The following LPAR1 variants were observed in gnomAD, a reference collection of about 807,000 sequenced individuals.
The protein encoded by LPAR1 is LPA receptor 1.
In LPAR1, 5 loss-of-function variants were observed where a neutral mutation model predicts 23.8. That is an observed-to-expected ratio of 0.21 (90% confidence interval 0.11 to 0.44). The LOEUF is 0.44. Ranked by LOEUF, LPAR1 falls within the 20% of genes least tolerant of loss-of-function variation. The pLI, the probability that LPAR1 is intolerant of heterozygous loss-of-function variation, is 0.99. For synonymous variants in LPAR1, 160 were observed against 164.7 expected, an observed-to-expected ratio of 0.97 and a Z score of 0.22; for missense variants, 311 against 482.8, an observed-to-expected ratio of 0.64 and a Z score of 3.33.
intron 5 of LPAR1, among the ~76,000 whole-genome samples, chr9:110,910,046 G>A (rs2092180928): frequency 6.6e-6 from 1 of 152,030 alleles, no homozygotes; most frequent in South Asian, 2.1e-4. Context: ...ACCACATCTG[G>A]CCCAAATGTT....
At chr9:111,017,076 T>A (rs1325536191) in intron 2 of LPAR1, among the ~76,000 whole-genome samples, 1 of 152,208 alleles carries the variant, frequency 6.6e-6, no homozygotes, top group African/African-American at 2.4e-5. Context: ...TTAGTCCTTA[T>A]CTTCATGGGC....
intron 2 of LPAR1, among the ~76,000 whole-genome samples, chr9:110,990,753 A>G (rs1287439643): frequency 6.6e-6 from 1 of 152,118 alleles, no homozygotes; most frequent in African/African-American, 2.4e-5. Context: ...GTAGATAATT[A>G]TATAGAAACT....
chr9:111,019,298 A>G (rs2140997765), intron 2 of LPAR1, among the ~76,000 whole-genome samples: 1 of 152,276 alleles, frequency 6.6e-6, no homozygotes, highest in African/African-American at 2.4e-5. Context: ...TTCTCTATTA[A>G]AAATAATAAT....
intron 2 of LPAR1, among the ~76,000 whole-genome samples, chr9:111,011,376 G>A (rs1022503035): frequency 3.3e-5 from 5 of 152,076 alleles, no homozygotes; most frequent in Admixed American, 6.6e-5. Context: ...TTCCAATAAC[G>A]GGAAGCTCAC....
At chr9:110,931,255 A>C (rs977486367) in intron 5 of LPAR1, among the ~76,000 whole-genome samples, 1 of 152,220 alleles carries the variant, frequency 6.6e-6, no homozygotes, top group East Asian at 1.9e-4. Context: ...GGTGAAATAC[A>C]GCATTCACAT....
intron 4 of LPAR1, among the ~76,000 whole-genome samples, chr9:110,956,574 G>A (rs953326856): frequency 4.7e-5 from 7 of 149,894 alleles, no homozygotes; most frequent in African/African-American, 1.5e-4. Context: ...CAAGAAAAAA[G>A]ACAACCCAAA....
At chr9:110,919,849 A>G (rs2093491252) in intron 5 of LPAR1, among the ~76,000 whole-genome samples, 1 of 152,162 alleles carries the variant, frequency 6.6e-6, no homozygotes, top group Admixed American at 6.6e-5. Context: ...CAATTTTCTA[A>G]TCAGCCACCA....
At chr9:110,920,941 A>G (rs542358203) in intron 5 of LPAR1, among the ~76,000 whole-genome samples, 1 of 152,098 alleles carries the variant, frequency 6.6e-6, no homozygotes, top group East Asian at 1.9e-4. Context: ...TGGGAAACAT[A>G]ATGAGACCCC....
chr9:110,943,635 G>A (rs1182355609), intron 4 of LPAR1, among the ~76,000 whole-genome samples: 3 of 152,250 alleles, frequency 2.0e-5, no homozygotes, highest in African/African-American at 7.2e-5. Flanking sequence ...CAAAGTGGGT[G>A]GATCACTTGA....
At chr9:110,918,170 T>C (rs2093349443) in intron 5 of LPAR1, among the ~76,000 whole-genome samples, 2 of 152,130 alleles carry the variant, frequency 1.3e-5, no homozygotes, top group African/African-American at 4.8e-5. Context: ...TCCATCCACT[T>C]TGGCCTCCCA....
intron 4 of LPAR1, among the ~76,000 whole-genome samples, chr9:110,957,171 C>T (rs1277521087): frequency 6.6e-6 from 1 of 151,102 alleles, no homozygotes; most frequent in African/African-American, 2.4e-5. Context: ...AGTTCAAGAC[C>T]AGCCTGGGCA....
At chr9:110,910,708 T>C (rs1281572885) in intron 5 of LPAR1, among the ~76,000 whole-genome samples, 1 of 152,138 alleles carries the variant, frequency 6.6e-6, no homozygotes, top group Admixed American at 6.5e-5. Flanking sequence ...GGCCAAAATA[T>C]CAACATTAAT....
chr9:111,036,700 C>T lies in LPAR1; in HGVS notation c.-261-499G>A, dbSNP rs188986100. ...CCTTGCGGGCTCGGATGATGACAAC[C>T]CAGCCTTCCCTCCTCGCTCCTCGCC... On this transcript the variant is annotated intron_variant, in intron 1 of 5. Coordinates refer to ENST00000683809, the MANE Select transcript of LPAR1 (RefSeq NM_001351411.2). Among the ~76,000 whole-genome samples, 421 of 152,306 alleles carry T rather than the reference C, an allele frequency of 2.8e-3. 1 individual carries two copies. The highest frequency in any genetic ancestry group is 4.1e-3 in the Non-Finnish European group (282 of 68,026).
chr9:110,883,197 G>T (rs2081349592), intron 5 of LPAR1, among the ~76,000 whole-genome samples: 1 of 152,062 alleles, frequency 6.6e-6, no homozygotes, highest in South Asian at 2.1e-4. Flanking sequence ...ACGCCACCAT[G>T]CCTAATTTTT....
At chr9:110,889,938 G>A (rs536023072) in intron 5 of LPAR1, among the ~76,000 whole-genome samples, 1 of 152,074 alleles carries the variant, frequency 6.6e-6, no homozygotes, top group East Asian at 1.9e-4. Flanking sequence ...AAGAAGTTGA[G>A]CAAAAATATA....
At chr9:110,943,797 T>C (rs375198574) in intron 4 of LPAR1, among the ~76,000 whole-genome samples, 5 of 149,842 alleles carry the variant, frequency 3.3e-5, no homozygotes, top group East Asian at 3.9e-4. Flanking sequence ...GAGGTGGAGG[T>C]TGCAGTGAGC....
At chr9:111,006,179 T>C (rs948281764) in intron 2 of LPAR1, among the ~76,000 whole-genome samples, 1 of 152,152 alleles carries the variant, frequency 6.6e-6, no homozygotes, top group Non-Finnish European at 1.5e-5. Context: ...AACACAACTA[T>C]TTCCTGTCAA....
At chr9:110,991,182 TAGATA>T (rs1330782656) in intron 2 of LPAR1, among the ~76,000 whole-genome samples, 1 of 152,186 alleles carries the variant, frequency 6.6e-6, no homozygotes, top group Non-Finnish European at 1.5e-5. Context: ...AAAGTTTCCT[TAGATA>T]AGATACCTGT....
chr9:110,922,849 T>TATTATTA (rs1227573637), intron 5 of LPAR1, among the ~76,000 whole-genome samples: 2 of 148,216 alleles, frequency 1.3e-5, no homozygotes, highest in Non-Finnish European at 3.0e-5. Context: ...TTATTATTAT[T>TATTATTA]ATTATTATAC....
Sources: allele counts gnomAD v4.1 joint callset (sites outside exome capture counted in the v4.1 genomes callset), GRCh38; gene constraint gnomAD v4.1.1; transcripts MANE v1.5; gene names NCBI Gene and HGNC (gene_info 2026-07-23, HGNC 2026-07-21).